The following GPC5 variants were observed in gnomAD, a reference collection of about 807,000 sequenced individuals.
GPC5 encodes the protein glypican 5.
GPC5 carries 47 observed loss-of-function variants against 53.9 expected under a neutral mutation model. The observed-to-expected ratio is 0.87, with a 90% CI of 0.69 to 1.11. The LOEUF (loss-of-function observed/expected upper bound fraction) is 1.11. Among genes scored for constraint, GPC5 ranks in the 50% most tolerant of loss-of-function variants. GPC5 has a pLI of 0.00. For synonymous variants in GPC5, 286 were observed against 263.3 expected (o/e 1.09, Z -0.84); for missense variants, 748 against 713.1 (o/e 1.05, Z -0.56).
intron 1 of GPC5, among the ~76,000 whole-genome samples, chr13:91,437,897 G>A (rs867846594): frequency 1.8e-4 from 28 of 151,706 alleles, no homozygotes; most frequent in Middle Eastern, 3.4e-3. Flanking sequence ...TTCCCTTCTC[G>A]CTTCATTTCA....
chr13:91,519,838 T>C (rs1343957092), intron 2 of GPC5, among the ~76,000 whole-genome samples: 1 of 151,676 alleles, frequency 6.6e-6, no homozygotes, highest in East Asian at 1.9e-4. Context: ...ACTTTGTAAT[T>C]GCAAACTCAT....
At chr13:91,703,499 T>A (rs2139866771) in intron 3 of GPC5, among the ~76,000 whole-genome samples, 1 of 152,288 alleles carries the variant, frequency 6.6e-6, no homozygotes, top group East Asian at 1.9e-4. Flanking sequence ...ATATGGTGAA[T>A]CATCCTTGCA....
chr13:92,144,985 A>T lies in GPC5; in HGVS notation c.1557A>T (p.Thr519=), dbSNP rs981471002. Residue 519 remains threonine (T), a synonymous_variant, in exon 7 of 8, where the codon ACA becomes ACT. Coordinates refer to ENST00000377067, the MANE Select transcript of GPC5 (RefSeq NM_004466.6). ...AAGTCAAGAGGACACTGAAGATCACAGACTGTAAGTGTATGATTCTAACAC... is the reference window on the plus strand; with the variant it reads ...AAGTCAAGAGGACACTGAAGATCACTGACTGTAAGTGTATGATTCTAACAC... ...SGEVKRTLKI[T]DWMPDDMNFS... 1 of 1,488,672 alleles carries T rather than the reference A, an allele frequency of 6.7e-7. No homozygotes were observed. The highest frequency in any genetic ancestry group is 2.5e-5 in the Admixed American group (1 of 40,600). The allele number at this position is 1,488,672 out of a possible 1,614,324, so 92.2% of individuals were successfully genotyped here. A position where few individuals can be genotyped will look rare whatever the true frequency, so the allele number is the denominator to read the frequency against.
At chr13:91,666,523 T>C (rs2035117243) in intron 2 of GPC5, among the ~76,000 whole-genome samples, 1 of 152,202 alleles carries the variant, frequency 6.6e-6, no homozygotes, top group Non-Finnish European at 1.5e-5. Flanking sequence ...AAAACAATTT[T>C]AATTGAAATT....
At chr13:92,542,002 GTC>G (rs1881945487) in intron 7 of GPC5, among the ~76,000 whole-genome samples, 1 of 151,760 alleles carries the variant, frequency 6.6e-6, no homozygotes, top group Non-Finnish European at 1.5e-5. Context: ...ACCAGAAAGG[GTC>G]TGTTTTAACT....
In GPC5 at chr13:92,198,489, T is replaced by C. The variant is rs79114617; in HGVS notation, c.1561+53500T>C. 7.9e-3 allele frequency among the ~76,000 whole-genome samples: 1,206 copies of C among 152,284 alleles called. 23 individuals are homozygous for C. The highest frequency in any genetic ancestry group is 0.027 in the African/African-American group (1,131 of 41,534). On this transcript the variant is annotated intron_variant, in intron 7 of 7. Transcript: ENST00000377067. ...AAATTGATGACTTATAGTTCAGATA[T>C]TTGAATGACCAAATTAGCTCAAATA...
intron 7 of GPC5, among the ~76,000 whole-genome samples, chr13:92,391,486 G>A (rs1875000339): frequency 6.6e-6 from 1 of 152,014 alleles, no homozygotes; most frequent in South Asian, 2.1e-4. Context: ...TCATCTTGCT[G>A]GGGAACTTTG....
At chr13:91,674,697 T>C (rs149276933) in intron 2 of GPC5, among the ~76,000 whole-genome samples, 18 of 142,294 alleles carry the variant, frequency 1.3e-4, no homozygotes, top group Non-Finnish European at 2.1e-4. Flanking sequence ...TATATATATG[T>C]ATATATATTA....
At chr13:91,598,289 A>G (rs906917356) in intron 2 of GPC5, among the ~76,000 whole-genome samples, 6 of 151,776 alleles carry the variant, frequency 4.0e-5, no homozygotes, top group Non-Finnish European at 8.8e-5. Context: ...TGCACTTTTT[A>G]TATTGTGTGG....
intron 5 of GPC5, among the ~76,000 whole-genome samples, chr13:91,849,413 G>A (rs773600272): frequency 2.0e-5 from 3 of 151,970 alleles, no homozygotes; most frequent in African/African-American, 7.2e-5. Context: ...AACCACACGT[G>A]GTTTAATAGC....
intron 7 of GPC5, among the ~76,000 whole-genome samples, chr13:92,288,939 A>G (rs1249948950): frequency 6.6e-6 from 1 of 152,178 alleles, no homozygotes; most frequent in African/African-American, 2.4e-5. Context: ...CATGTGATAC[A>G]TCGTTGAACC....
intron 6 of GPC5, among the ~76,000 whole-genome samples, chr13:92,045,173 C>T (rs2138829831): frequency 6.6e-6 from 1 of 152,114 alleles, no homozygotes; most frequent in East Asian, 1.9e-4. Flanking sequence ...GAATACTTCC[C>T]TGCATAAAAT....
chr13:92,662,634 G>A (rs978244948), intron 7 of GPC5, among the ~76,000 whole-genome samples: 4 of 152,148 alleles, frequency 2.6e-5, no homozygotes, highest in African/African-American at 9.7e-5. Context: ...CTCAGCTACT[G>A]GAGCTACTTG....
intron 7 of GPC5, among the ~76,000 whole-genome samples, chr13:92,324,919 C>A (rs1039962081): frequency 4.0e-5 from 6 of 151,792 alleles, no homozygotes; most frequent in Admixed American, 1.3e-4. Context: ...CCCCAAAATA[C>A]TTAATATTCT....
At chr13:92,512,961 T>C (rs773801143) in intron 7 of GPC5, among the ~76,000 whole-genome samples, 2 of 152,204 alleles carry the variant, frequency 1.3e-5, no homozygotes, top group African/African-American at 2.4e-5. Flanking sequence ...CGTGATGCGA[T>C]GTTGTCACAG....
At chr13:92,596,155 A>G (rs935343463) in intron 7 of GPC5, among the ~76,000 whole-genome samples, 7 of 151,692 alleles carry the variant, frequency 4.6e-5, no homozygotes, top group Non-Finnish European at 7.4e-5. Flanking sequence ...TTAAGTGGCA[A>G]ACAAGGCTGC....
At chr13:92,295,844 T>C (rs1299081160) in intron 7 of GPC5, among the ~76,000 whole-genome samples, 2 of 152,198 alleles carry the variant, frequency 1.3e-5, no homozygotes, top group Non-Finnish European at 2.9e-5. Context: ...TAAGTTTGTG[T>C]GAGTCCTTAT....
rs934753656 is a variant in GPC5 at position 92,844,460 on chromosome 13, C to T, written c.1562-21822C>T. On this transcript the variant is annotated intron_variant, in intron 7 of 7. Coordinates refer to ENST00000377067, the MANE Select transcript of GPC5 (RefSeq NM_004466.6). ...AAAGGAAATCTGGCAGAAGACTTAACCGGAGTAGAAACTTAAAAATAAAAT... is the reference window on the plus strand; with the variant it reads ...AAAGGAAATCTGGCAGAAGACTTAATCGGAGTAGAAACTTAAAAATAAAAT... Among the ~76,000 whole-genome samples the T allele has an allele frequency of 3.9e-5, 6 of 151,980 alleles. No individual in the cohort carries two copies. In the South Asian group the frequency reaches 6.2e-4, roughly 16 times the overall value.
chr13:91,560,248 G>A (rs1456509350), intron 2 of GPC5, among the ~76,000 whole-genome samples: 1 of 152,128 alleles, frequency 6.6e-6, no homozygotes, highest in East Asian at 1.9e-4. Flanking sequence ...TCTCCTACAA[G>A]GTTCTGTGAG....
Sources: gnomAD v4.1 joint callset for allele counts (sites outside exome capture counted in the v4.1 genomes callset) on GRCh38, gnomAD v4.1.1 for gene constraint, MANE v1.5 for transcripts, NCBI Gene and HGNC (gene_info 2026-07-23, HGNC 2026-07-21) for gene names.